Variants in CCDC30 observed in about 807,000 individuals in gnomAD.
CCDC30 encodes coiled-coil domain-containing protein 30.
Under a neutral mutation model 100.2 loss-of-function variants are expected in CCDC30, and 70 were observed. The observed-to-expected ratio is 0.70, with a 90% CI of 0.58 to 0.85. The LOEUF (loss-of-function observed/expected upper bound fraction) is 0.85, where lower values mean the gene tolerates loss of function less well. CCDC30 is among the 40% of genes least tolerant of loss of function. The probability of loss-of-function intolerance (pLI) is 0.00; values close to 1 mark genes in which losing one functional copy is unlikely to be tolerated. For synonymous variants in CCDC30, 233 were observed against 269.5 expected, an observed-to-expected ratio of 0.86 and a Z score of 1.33; for missense variants, 652 against 771.2, an observed-to-expected ratio of 0.85 and a Z score of 1.83.
intron 6 of CCDC30, among the ~76,000 whole-genome samples, chr1:42,515,623 G>A (rs923456701): frequency 2.0e-5 from 3 of 152,092 alleles, no homozygotes; most frequent in African/African-American, 2.4e-5. Context: ...TAAACTTCTC[G>A]CCTCTAGAAC....
At chr1:42,509,277 C>T (rs1414526173) in intron 6 of CCDC30, among the ~76,000 whole-genome samples, 3 of 152,112 alleles carry the variant, frequency 2.0e-5, no homozygotes, top group Non-Finnish European at 4.4e-5. Context: ...AGATGATAAC[C>T]ATCCCTCTTT....
At chr1:42,492,933 C>G (rs1041533797) in intron 4 of CCDC30, among the ~76,000 whole-genome samples, 2 of 152,092 alleles carry the variant, frequency 1.3e-5, no homozygotes, top group Non-Finnish European at 2.9e-5. Flanking sequence ...GCGTGAGCCA[C>G]CGCACCCGGC....
chr1:42,556,340 C>T (rs1256298472), intron 6 of CCDC30: 1 of 1,613,922 alleles, frequency 6.2e-7, no homozygotes, highest in Admixed American at 1.7e-5. Flanking sequence ...AGAGCTGAGC[C>T]ATATAAATCA....
chr1:42,515,622 C>T lies in CCDC30; in HGVS notation c.456+16706C>T, dbSNP rs148402528. Among the ~76,000 whole-genome samples, 10 of 152,300 alleles carry T rather than the reference C, an allele frequency of 6.6e-5. No homozygotes were observed. The East Asian group carries it at 1.7e-3, about 26-fold the overall frequency. ...ACTAGTACCTTAATCTTAAACTTCTCGCCTCTAGAACTCTGATAAATAAAC... is the reference window on the plus strand; with the variant it reads ...ACTAGTACCTTAATCTTAAACTTCTTGCCTCTAGAACTCTGATAAATAAAC... On this transcript the variant is annotated intron_variant, in intron 6 of 16. Coordinates refer to ENST00000668663, the Ensembl canonical transcript of CCDC30.
chr1:42,558,652 AG>A (rs759372857), intron 6 of CCDC30, among the ~76,000 whole-genome samples: 4 of 152,164 alleles, frequency 2.6e-5, no homozygotes, highest in Non-Finnish European at 4.4e-5. Flanking sequence ...TTCCAAAGTG[AG>A]GGTTCTGCTA....
At chr1:42,456,478 T>C in the CCDC30 span, 3 of 1,368,746 alleles carry the variant, frequency 2.2e-6, no homozygotes, top group African/African-American at 3.0e-5. Context: ...GCCCACTCAG[T>C]ACGGCGCGGC....
intron 10 of CCDC30, among the ~76,000 whole-genome samples, chr1:42,597,311 G>T (rs1036492561): frequency 1.3e-5 from 2 of 152,116 alleles, no homozygotes; most frequent in Non-Finnish European, 2.9e-5. Flanking sequence ...CAGAGATCCA[G>T]GAAGCTCAGA....
rs531478991 is a variant in CCDC30, at chr1:42,596,240, A to G, written c.1164+6757A>G. ...AGTGTATCAAGTCTGAGAGAGAGAA[A>G]CTCCAGAGGGACCCAGTCATTAGGG... is the stretch of plus-strand genomic sequence containing the variant. On this transcript the variant is annotated intron_variant, in intron 10 of 16. Coordinates refer to ENST00000668663, the Ensembl canonical transcript of CCDC30. This position sits in a 1 kb window ranked among gnomAD's most constrained non-coding sequence, Gnocchi z 4.3. Among the ~76,000 whole-genome samples, 1 of 151,728 alleles carries G rather than the reference A, an allele frequency of 6.6e-6. No homozygotes were observed. Among genetic ancestry groups the G allele is most frequent in the Non-Finnish European group, 1.5e-5 (1 of 67,932 alleles).
chr1:42,610,774 A>G (rs1448339913), intron 10 of CCDC30, among the ~76,000 whole-genome samples: 1 of 152,148 alleles, frequency 6.6e-6, no homozygotes, highest in Non-Finnish European at 1.5e-5. Flanking sequence ...ATTATTGGGA[A>G]GGCTGGGGAA....
chr1:42,557,771 G>A (rs922692119), intron 6 of CCDC30, among the ~76,000 whole-genome samples: 1 of 144,114 alleles, frequency 6.9e-6, no homozygotes, highest in African/African-American at 2.6e-5. Flanking sequence ...AATTAGGATA[G>A]TTAAGGCTAG....
chr1:42,544,424 T>C (rs1040333492), intron 6 of CCDC30, among the ~76,000 whole-genome samples: 1 of 152,216 alleles, frequency 6.6e-6, no homozygotes, highest in African/African-American at 2.4e-5. Context: ...AAAGTACAGA[T>C]TTCCATTTCC....
intron 6 of CCDC30, among the ~76,000 whole-genome samples, chr1:42,507,930 T>C (rs1644420257): frequency 6.6e-6 from 1 of 152,228 alleles, no homozygotes; most frequent in African/African-American, 2.4e-5. Flanking sequence ...AAAGTCACAT[T>C]AACTAAGAAG....
intron 9 of CCDC30, among the ~76,000 whole-genome samples, chr1:42,586,505 A>G (rs1213045539): frequency 6.6e-6 from 1 of 151,992 alleles, no homozygotes; most frequent in Non-Finnish European, 1.5e-5. Flanking sequence ...GGATCTCCCT[A>G]TGTTGCTCAG....
At chr1:42,642,117 T>A (rs1011416843) in intron 12 of CCDC30, among the ~76,000 whole-genome samples, 14 of 151,846 alleles carry the variant, frequency 9.2e-5, no homozygotes, top group Non-Finnish European at 1.8e-4. Context: ...TCCCAGCTAC[T>A]TGGGAGGCTG....
intron 12 of CCDC30, among the ~76,000 whole-genome samples, chr1:42,638,495 C>T (rs1392858575): frequency 6.8e-6 from 1 of 147,276 alleles, no homozygotes; most frequent in African/African-American, 2.5e-5. Flanking sequence ...CAGCTTAGAA[C>T]TAGGAAAAGA....
chr1:42,516,973 A>T (rs554246802), intron 6 of CCDC30, among the ~76,000 whole-genome samples: 118 of 152,302 alleles, frequency 7.7e-4, no homozygotes, highest in African/African-American at 2.8e-3. Flanking sequence ...GGTTTTTCTT[A>T]TAAGTTTTAA....
At chr1:42,600,336 T>C (rs1646379571) in intron 10 of CCDC30, among the ~76,000 whole-genome samples, 1 of 152,138 alleles carries the variant, frequency 6.6e-6, no homozygotes, top group Non-Finnish European at 1.5e-5. Context: ...GTAGGTGAAA[T>C]TCACTGTTAT....
intron 6 of CCDC30, chr1:42,536,516 G>T (rs551824204): frequency 1.5e-5 from 24 of 1,612,102 alleles, no homozygotes; most frequent in Non-Finnish European, 2.0e-5. Context: ...ATGTTTGAAA[G>T]TGAGTGGTCA....
intron 6 of CCDC30, among the ~76,000 whole-genome samples, chr1:42,557,703 T>G (rs1214029610): frequency 6.8e-6 from 1 of 147,564 alleles, no homozygotes; most frequent in Admixed American, 6.8e-5. Context: ...TTAAATATAT[T>G]AAATAAAATA....
Sources: allele counts gnomAD v4.1 joint callset (sites outside exome capture counted in the v4.1 genomes callset), GRCh38; gene constraint gnomAD v4.1.1; non-coding constraint Gnocchi (gnomAD v3.1); transcripts MANE v1.5; gene names NCBI Gene and HGNC (gene_info 2026-07-23, HGNC 2026-07-21).